The following UBE2H variants were observed in gnomAD, a reference collection of about 807,000 sequenced individuals.
The protein encoded by UBE2H is ubiquitin conjugating enzyme E2 H, also known as ubiquitin-conjugating enzyme E2 H.
UBE2H carries 3 observed loss-of-function variants against 29.0 expected under a neutral mutation model. The ratio of observed to expected loss-of-function variants is 0.10; its 90% CI spans 0.05 to 0.27. UBE2H has a LOEUF of 0.27. Ranked by LOEUF, UBE2H falls within the 10% of genes least tolerant of loss-of-function variation. The probability of loss-of-function intolerance (pLI) is 1.00; values close to 1 mark genes in which losing one functional copy is unlikely to be tolerated. For missense variants in UBE2H, 68 were observed against 228.2 expected (o/e 0.30, Z 4.52); for synonymous variants, 69 against 82.9 (o/e 0.83, Z 0.91).
intron 5 of UBE2H, among the ~76,000 whole-genome samples, chr7:129,845,692 G>C (rs1219867685): frequency 6.6e-6 from 1 of 152,208 alleles, no homozygotes; most frequent in Non-Finnish European, 1.5e-5. Flanking sequence ...AGGCTGAACT[G>C]TCTCCAGCAA....
At chr7:129,921,017 G>A (rs1446275085) in intron 1 of UBE2H, among the ~76,000 whole-genome samples, 1 of 151,218 alleles carries the variant, frequency 6.6e-6, no homozygotes, top group Non-Finnish European at 1.5e-5. Context: ...AAAAGTCCTG[G>A]TGTTTATAGT....
intron 5 of UBE2H, among the ~76,000 whole-genome samples, chr7:129,843,787 G>T (rs754911097): frequency 1.3e-5 from 2 of 152,136 alleles, no homozygotes; most frequent in African/African-American, 4.8e-5. Context: ...CACAGCGAAC[G>T]GAAGGCTCCT....
chr7:129,918,389 T>C (rs148778896), intron 1 of UBE2H, among the ~76,000 whole-genome samples: 167 of 151,724 alleles, frequency 1.1e-3, no homozygotes, highest in African/African-American at 3.6e-3. Context: ...GAGACAGTCT[T>C]GCTCTGTCAC....
At chr7:129,849,884 T>A (rs942692655) in intron 5 of UBE2H, among the ~76,000 whole-genome samples, 2 of 152,192 alleles carry the variant, frequency 1.3e-5, no homozygotes, top group Non-Finnish European at 2.9e-5. Context: ...ATATAAAAAG[T>A]CTAAGCTCAG....
intron 6 of UBE2H, among the ~76,000 whole-genome samples, chr7:129,836,866 C>A (rs1032356395): frequency 1.3e-5 from 1 of 79,368 alleles, no homozygotes; most frequent in Admixed American, 1.5e-4. Context: ...GGCGACAGGG[C>A]AAGACTCCGT....
At chr7:129,874,008 G>T (rs933095153) in intron 3 of UBE2H, among the ~76,000 whole-genome samples, 3 of 152,090 alleles carry the variant, frequency 2.0e-5, no homozygotes, top group Non-Finnish European at 4.4e-5. Flanking sequence ...TTATAACACA[G>T]TTTTCTAATT....
intron 1 of UBE2H, among the ~76,000 whole-genome samples, chr7:129,920,236 C>A (rs902549762): frequency 6.6e-6 from 1 of 151,298 alleles, no homozygotes; most frequent in South Asian, 2.1e-4. Flanking sequence ...TATATATGAA[C>A]ATTATGCAAA....
chr7:129,861,414 C>A (rs1235596348), intron 3 of UBE2H, among the ~76,000 whole-genome samples: 1 of 152,062 alleles, frequency 6.6e-6, no homozygotes, highest in Non-Finnish European at 1.5e-5. Context: ...CTCATCACCA[C>A]CTCACCACAC....
At chr7:129,891,953 C>CTTTTTTTTTTTTTTT (rs753851134) in intron 1 of UBE2H, among the ~76,000 whole-genome samples, 5 of 127,118 alleles carry the variant, frequency 3.9e-5, no homozygotes, top group Admixed American at 8.5e-5. Flanking sequence ...CATGCTACAC[C>CTTTTTTTTTTTTTTT]TTTTTTTTTT....
chr7:129,930,106 A>G (rs1807357459), intron 1 of UBE2H, among the ~76,000 whole-genome samples: 1 of 152,210 alleles, frequency 6.6e-6, no homozygotes, highest in Non-Finnish European at 1.5e-5. Context: ...TTCTCTTCCA[A>G]TATACATTTG....
At chr7:129,873,294 C>T (rs1425280912) in intron 3 of UBE2H, among the ~76,000 whole-genome samples, 2 of 152,094 alleles carry the variant, frequency 1.3e-5, no homozygotes, top group African/African-American at 2.4e-5. Context: ...GCTGGGATTA[C>T]AGGCATGAGC....
intron 1 of UBE2H, among the ~76,000 whole-genome samples, chr7:129,937,855 G>A (rs1807562531): frequency 6.6e-6 from 1 of 152,102 alleles, no homozygotes; most frequent in African/African-American, 2.4e-5. Context: ...AGAACTAAAT[G>A]AATCAGGTTT....
chr7:129,878,419 C>T (rs962927893), intron 3 of UBE2H, among the ~76,000 whole-genome samples: 1 of 151,804 alleles, frequency 6.6e-6, no homozygotes, highest in East Asian at 1.9e-4. Context: ...CGCAATGGCT[C>T]ACGCCTGTAA....
intron 1 of UBE2H, among the ~76,000 whole-genome samples, chr7:129,919,100 TAAAAA>T (rs1204331286): frequency 1.4e-5 from 1 of 72,186 alleles, no homozygotes; most frequent in Non-Finnish European, 2.4e-5. Context: ...AAAAACAAAG[TAAAAA>T]AAAAAAAAAA....
At chr7:129,932,085 G>A (rs1224835851) in intron 1 of UBE2H, among the ~76,000 whole-genome samples, 1 of 149,998 alleles carries the variant, frequency 6.7e-6, no homozygotes, top group Non-Finnish European at 1.5e-5. Context: ...GCCTCCCAAA[G>A]TGCTGGGATT....
chr7:129,926,508 CAA>C (rs535498835), intron 1 of UBE2H, among the ~76,000 whole-genome samples: 3 of 124,884 alleles, frequency 2.4e-5, no homozygotes, highest in Non-Finnish European at 1.7e-5. Context: ...AACTCCGTCT[CAA>C]AAAAAAAAAA....
At chr7:129,905,863 CAGA>C (rs1419807663) in intron 1 of UBE2H, among the ~76,000 whole-genome samples, 1 of 152,044 alleles carries the variant, frequency 6.6e-6, no homozygotes, top group East Asian at 1.9e-4. Context: ...AAGGCCAAAG[CAGA>C]AGGATGGTTT....
At chr7:129,891,551 C>A (rs997811223) in intron 1 of UBE2H, among the ~76,000 whole-genome samples, 5 of 152,126 alleles carry the variant, frequency 3.3e-5, no homozygotes, top group Admixed American at 6.5e-5. Context: ...CGCCTATAAT[C>A]CCAGCACTTT....
intron 6 of UBE2H, among the ~76,000 whole-genome samples, chr7:129,836,218 G>A (rs1481763888): frequency 1.3e-5 from 2 of 152,168 alleles, no homozygotes; most frequent in East Asian, 3.8e-4. Flanking sequence ...AACCTCTAAT[G>A]GGTTGACTAT....
Sources: gnomAD v4.1 joint callset for allele counts (sites outside exome capture counted in the v4.1 genomes callset) on GRCh38, gnomAD v4.1.1 for gene constraint, MANE v1.5 for transcripts, NCBI Gene and HGNC (gene_info 2026-07-23, HGNC 2026-07-21) for gene names.